The following NDC1 variants were observed in gnomAD, a reference collection of about 807,000 sequenced individuals.
NDC1 encodes the protein NDC1 transmembrane nucleoporin.
NDC1 carries 24 observed loss-of-function variants against 89.8 expected under a neutral mutation model. The observed-to-expected ratio is 0.27, with a 90% CI of 0.19 to 0.38. NDC1 has a LOEUF of 0.38. Ranked by LOEUF, NDC1 falls within the 10% of genes least tolerant of loss-of-function variation. The pLI is 1.00. For missense variants in NDC1, 728 were observed against 797.6 expected (o/e 0.91, Z 1.05); for synonymous variants, 296 against 284.8 (o/e 1.04, Z -0.39).
intron 6 of NDC1, among the ~76,000 whole-genome samples, chr1:53,811,918 G>C (rs1648320611): frequency 6.6e-6 from 1 of 152,128 alleles, no homozygotes. Flanking sequence ...CCCAGAAACA[G>C]TTCACATCAC....
At chr1:53,821,451 C>T (rs1201783349) in intron 5 of NDC1, among the ~76,000 whole-genome samples, 1 of 151,430 alleles carries the variant, frequency 6.6e-6, no homozygotes, top group African/African-American at 2.4e-5. Context: ...AAAAAGAAAA[C>T]AAACAAACAA....
At chr1:53,827,204 T>C (rs1217395929) in intron 4 of NDC1, among the ~76,000 whole-genome samples, 1 of 150,596 alleles carries the variant, frequency 6.6e-6, no homozygotes, top group Non-Finnish European at 1.5e-5. Context: ...GTAGTAATAA[T>C]GTAACACTGT....
chr1:53,776,565 A>C (rs1455680462), intron 16 of NDC1, among the ~76,000 whole-genome samples: 1 of 152,216 alleles, frequency 6.6e-6, no homozygotes, highest in Non-Finnish European at 1.5e-5. Flanking sequence ...CTATCAGAAA[A>C]TATAAGATTA....
At chr1:53,784,663 C>T (rs535070986) in intron 16 of NDC1, among the ~76,000 whole-genome samples, 1 of 152,274 alleles carries the variant, frequency 6.6e-6, no homozygotes, top group Admixed American at 6.5e-5. Flanking sequence ...TGGTGGCAGA[C>T]ACCTGTAGTC....
intron 16 of NDC1, among the ~76,000 whole-genome samples, chr1:53,782,969 A>AT (rs899523474): frequency 1.1e-4 from 17 of 152,204 alleles, no homozygotes; most frequent in African/African-American, 3.6e-4. Context: ...AATATAACTG[A>AT]TTTTTTTTCT....
chr1:53,807,668 G>A lies in NDC1; in HGVS notation c.879C>T (p.Ile293=), dbSNP rs776836686. ...TTAAAAAACATACCTCTGTGGCATA[G>A]ATTTTGAAGAGTATCCATGAGACAT... The part of the protein sequence containing the change: ...TWYVSWILFK[I]YATEAHVFPV... The change falls in exon 8 of 18, where the codon ATC becomes ATT. Residue 293 remains isoleucine, a synonymous_variant. Transcript: ENST00000371429. 1 of 1,606,216 alleles carries A rather than the reference G, an allele frequency of 6.2e-7. No individual in the cohort carries two copies. Among genetic ancestry groups the A allele is most frequent in the Non-Finnish European group, 8.5e-7 (1 of 1,177,888 alleles).
At chr1:53,837,874 C>G (rs2100703006) in intron 1 of NDC1, among the ~76,000 whole-genome samples, 1 of 152,292 alleles carries the variant, frequency 6.6e-6, no homozygotes, top group Non-Finnish European at 1.5e-5. Context: ...CACTTCTTAA[C>G]GAAACAAATT....
At chr1:53,830,091 C>T (rs940332727) in intron 3 of NDC1, among the ~76,000 whole-genome samples, 15 of 151,884 alleles carry the variant, frequency 9.9e-5, no homozygotes, top group Admixed American at 4.6e-4. Flanking sequence ...GCAGAGGCGT[C>T]AGCGAGCCAA....
chr1:53,810,701 T>G (rs188740536), intron 6 of NDC1, among the ~76,000 whole-genome samples: 3 of 152,214 alleles, frequency 2.0e-5, no homozygotes, highest in Non-Finnish European at 4.4e-5. Context: ...GGCCAAGAGT[T>G]CAAGACTAGC....
At chr1:53,794,800 G>A (rs913924796) in intron 13 of NDC1, among the ~76,000 whole-genome samples, 9 of 151,980 alleles carry the variant, frequency 5.9e-5, no homozygotes, top group Admixed American at 2.6e-4. Flanking sequence ...ACTTGAGCCC[G>A]GGAGTTCAAG....
At chr1:53,784,551 G>A (rs549557422) in intron 16 of NDC1, among the ~76,000 whole-genome samples, 1 of 152,318 alleles carries the variant, frequency 6.6e-6, no homozygotes, top group Non-Finnish European at 1.5e-5. Flanking sequence ...CCAGCACTTT[G>A]GGAGGCCGAG....
At chr1:53,811,479 G>A (rs1335458482) in intron 6 of NDC1, among the ~76,000 whole-genome samples, 1 of 151,864 alleles carries the variant, frequency 6.6e-6, no homozygotes. Flanking sequence ...ACCTGGGTGA[G>A]GCCTGTGACT....
intron 5 of NDC1, among the ~76,000 whole-genome samples, chr1:53,820,440 G>T (rs971983052): frequency 2.6e-5 from 4 of 151,904 alleles, no homozygotes; most frequent in African/African-American, 7.3e-5. Context: ...AATGTTAAAT[G>T]ATGAGTTAAT....
intron 11 of NDC1, among the ~76,000 whole-genome samples, 162 bp downstream of exon 11, chr1:53,800,531 G>A (rs1647872322): frequency 6.6e-6 from 1 of 151,870 alleles, no homozygotes; most frequent in African/African-American, 2.4e-5. Context: ...TTCACCATGT[G>A]GGTCAGGATG....
Position 53,793,992 on chromosome 1 carries a change from T to C in NDC1, c.1585-713A>G, listed in dbSNP as rs77620950. 4.6e-5 allele frequency among the ~76,000 whole-genome samples: 7 copies of C among 151,946 alleles called. No individual in the cohort carries two copies. The East Asian group carries it at 1.4e-3, about 30-fold the overall frequency. ...CAGGGAAAAAAAAATCTTTTTTTTTTTGAGACAGGGTCTCACTCTATCACC... is the reference window on the plus strand; with the variant it reads ...CAGGGAAAAAAAAATCTTTTTTTTTCTGAGACAGGGTCTCACTCTATCACC... On this transcript the variant is annotated intron_variant, in intron 13 of 17. Coordinates refer to ENST00000371429, the MANE Select transcript of NDC1 (RefSeq NM_018087.5).
chr1:53,800,025 A>G (rs1231170745), intron 11 of NDC1, among the ~76,000 whole-genome samples: 2 of 152,154 alleles, frequency 1.3e-5, no homozygotes, highest in African/African-American at 4.8e-5. Context: ...ACAGCAACAG[A>G]TATTGTCTGC....
chr1:53,823,553 G>C (rs1328283508), intron 5 of NDC1, among the ~76,000 whole-genome samples: 1 of 152,214 alleles, frequency 6.6e-6, no homozygotes, highest in Non-Finnish European at 1.5e-5. Flanking sequence ...TATCTGTGGT[G>C]TTAAATACAT....
At chr1:53,769,416 T>C (rs1317048344) in intron 17 of NDC1, among the ~76,000 whole-genome samples, 1 of 152,220 alleles carries the variant, frequency 6.6e-6, no homozygotes, top group African/African-American at 2.4e-5. Context: ...GCCTTTGACA[T>C]ACACACAAGA....
At chr1:53,808,847 A>G (rs1381155032) in intron 7 of NDC1, among the ~76,000 whole-genome samples, 1 of 152,242 alleles carries the variant, frequency 6.6e-6, no homozygotes, top group Non-Finnish European at 1.5e-5. Context: ...GAAAAGTGAG[A>G]AACCATAATA....
Sources: gnomAD v4.1 joint callset for allele counts (sites outside exome capture counted in the v4.1 genomes callset) on GRCh38, gnomAD v4.1.1 for gene constraint, MANE v1.5 for transcripts, NCBI Gene and HGNC (gene_info 2026-07-23, HGNC 2026-07-21) for gene names.